GALNT14: variants seen among roughly 807,000 people sequenced by gnomAD.
GALNT14 encodes UDP-GalNAc:polypeptide N-acetylgalactosaminyltransferase 14.
Under a neutral mutation model 77.5 loss-of-function variants are expected in GALNT14, and 60 were observed. The ratio of observed to expected loss-of-function variants is 0.77; its 90% CI spans 0.63 to 0.96. GALNT14 has a LOEUF of 0.96. Among genes scored for constraint, GALNT14 ranks in the 40% least tolerant of loss-of-function variants. The pLI, the probability that GALNT14 is intolerant of heterozygous loss-of-function variation, is 0.00. For synonymous variants in GALNT14, 280 were observed against 281.7 expected (o/e 0.99, Z 0.06); for missense variants, 710 against 731.0 (o/e 0.97, Z 0.33).
At chr2:31,119,078 G>T (rs1282008972) in intron 1 of GALNT14, among the ~76,000 whole-genome samples, 4 of 151,894 alleles carry the variant, frequency 2.6e-5, no homozygotes, top group Admixed American at 1.3e-4. Context: ...ATCCCAGATG[G>T]ACCTAAGATT....
chr2:30,998,207 C>T (rs1235425094), intron 1 of GALNT14, among the ~76,000 whole-genome samples: 1 of 152,190 alleles, frequency 6.6e-6, no homozygotes, highest in African/African-American at 2.4e-5. Context: ...AAAACTAAAG[C>T]TCGATGGCAC....
At chr2:31,083,810 A>G (rs767443279) in intron 1 of GALNT14, among the ~76,000 whole-genome samples, 5 of 152,132 alleles carry the variant, frequency 3.3e-5, no homozygotes, top group Non-Finnish European at 7.4e-5. Context: ...GTCCTTCCCT[A>G]TGTGTGATCT....
intron 1 of GALNT14, among the ~76,000 whole-genome samples, chr2:31,030,321 G>A (rs10865086): frequency 0.39 from 59,655 of 151,742 alleles, 11,919 homozygotes; most frequent in East Asian, 0.55. Context: ...GTCCAGGGCC[G>A]AGCACCAGGG....
At chr2:31,057,703 A>G (rs867756781) in intron 1 of GALNT14, among the ~76,000 whole-genome samples, 8 of 152,130 alleles carry the variant, frequency 5.3e-5, no homozygotes, top group South Asian at 2.1e-4. Flanking sequence ...AATGGGCCCA[A>G]TGTTGTCTGC....
chr2:30,978,581 G>A (rs1668785037), intron 2 of GALNT14, among the ~76,000 whole-genome samples: 1 of 152,190 alleles, frequency 6.6e-6, no homozygotes, highest in African/African-American at 2.4e-5. Context: ...ATAATTCTCT[G>A]TTGAGCGAGG....
intron 9 of GALNT14, among the ~76,000 whole-genome samples, chr2:30,934,969 G>A (rs1665962869): frequency 6.6e-6 from 1 of 152,138 alleles, no homozygotes; most frequent in African/African-American, 2.4e-5. Context: ...GCCTGCTGTA[G>A]CCCTGCCTCC....
chr2:31,040,593 A>G (rs1042235779), intron 1 of GALNT14, among the ~76,000 whole-genome samples: 5 of 152,208 alleles, frequency 3.3e-5, no homozygotes, highest in Non-Finnish European at 5.9e-5. Flanking sequence ...ATGGAAACAG[A>G]GGAAACACTG....
At chr2:31,133,659 A>C (rs1190782913) in intron 1 of GALNT14, among the ~76,000 whole-genome samples, 3 of 152,228 alleles carry the variant, frequency 2.0e-5, no homozygotes, top group Non-Finnish European at 4.4e-5. Flanking sequence ...AAATTTGCTG[A>C]TATTTTTAAA....
At chr2:30,892,846 G>A in the GALNT14 span, among the ~76,000 whole-genome samples, 2 of 152,166 alleles carry the variant, frequency 1.3e-5, no homozygotes, top group Non-Finnish European at 2.9e-5. Flanking sequence ...CAGTCTCCAT[G>A]AAACTGTGGC....
intron 9 of GALNT14, among the ~76,000 whole-genome samples, chr2:30,938,282 A>G (rs1330399382): frequency 1.3e-5 from 2 of 148,402 alleles, no homozygotes; most frequent in African/African-American, 5.1e-5. Flanking sequence ...TGCACCGCTT[A>G]CATACCTACA....
At chr2:31,079,485 T>TA (rs1249893016) in intron 1 of GALNT14, among the ~76,000 whole-genome samples, 1 of 152,178 alleles carries the variant, frequency 6.6e-6, no homozygotes, top group Admixed American at 6.5e-5. Context: ...TGTTTGGGGT[T>TA]AAATGAAGGC....
Position 30,953,992 on chromosome 2 carries a change from A to G in GALNT14, c.654+1626T>C, listed in dbSNP as rs146995235. ...CACTGGATTTGTAAGCTATTAGGGG[A>G]GGCAGAGGACTAACCCAGAAGAGGA... On this transcript the variant is annotated intron_variant, in intron 6 of 14. Transcript: ENST00000349752. 4.8e-3 allele frequency among the ~76,000 whole-genome samples: 726 copies of G among 152,244 alleles called. 4 individuals are homozygous for G. The highest frequency in any genetic ancestry group is 0.017 in the African/African-American group (697 of 41,544).
intron 1 of GALNT14, among the ~76,000 whole-genome samples, chr2:31,061,891 C>A (rs1674616651): frequency 6.6e-6 from 1 of 152,172 alleles, no homozygotes. Context: ...CCCTCCCATC[C>A]TCCCCCAGGT....
intron 4 of GALNT14, among the ~76,000 whole-genome samples, chr2:30,956,795 CTG>C (rs561505252): frequency 5.3e-4 from 80 of 152,246 alleles, no homozygotes; most frequent in Non-Finnish European, 8.8e-4. Context: ...GCATGAGCCT[CTG>C]TGCCCGTTCC....
chr2:31,035,600 TACACACAC>T (rs779892815), intron 1 of GALNT14, among the ~76,000 whole-genome samples: 1 of 49,582 alleles, frequency 2.0e-5, no homozygotes, highest in Non-Finnish European at 3.8e-5. Flanking sequence ...CATATACATA[TACACACAC>T]ACACACACCT....
chr2:31,088,485 C>T lies in GALNT14; in HGVS notation c.129+49473G>A, dbSNP rs542693933. On this transcript the variant is annotated intron_variant, in intron 1 of 14. Coordinates refer to ENST00000349752, the MANE Select transcript of GALNT14 (RefSeq NM_024572.4). The stretch of plus-strand genomic sequence containing the variant: ...GTGGTCCTTCCTTTCTTTGTGAGAA[C>T]ATGTCTTGGGTAGCCTCTGGATGAA... Among the ~76,000 whole-genome samples the T allele has an allele frequency of 3.3e-5, 5 of 152,152 alleles. 1 individual carries two copies. In the South Asian group the frequency reaches 1.0e-3, roughly 32 times the overall value.
chr2:30,929,351 C>T (rs1366466084), intron 11 of GALNT14, 44 bp downstream of exon 11: 3 of 1,492,902 alleles, frequency 2.0e-6, no homozygotes, highest in South Asian at 1.1e-5. Context: ...AGGAGCTGGG[C>T]TCTTTTGCAG....
chr2:30,979,240 A>AAGATATCTCAGGGAGCAAG (rs1668834369), intron 2 of GALNT14, among the ~76,000 whole-genome samples: 1 of 152,218 alleles, frequency 6.6e-6, no homozygotes, highest in Non-Finnish European at 1.5e-5. Context: ...GTTTGGCAGC[A>AAGATATCTCAGGGAGCAAG]AGATATCTCA....
chr2:30,976,789 G>A (rs2148366442), intron 2 of GALNT14, among the ~76,000 whole-genome samples: 1 of 152,278 alleles, frequency 6.6e-6, no homozygotes, highest in African/African-American at 2.4e-5. Flanking sequence ...TTTTAGCCCT[G>A]CTCAAATCAC....
Sources: allele counts gnomAD v4.1 joint callset (sites outside exome capture counted in the v4.1 genomes callset), GRCh38; gene constraint gnomAD v4.1.1; transcripts MANE v1.5; gene names NCBI Gene and HGNC (gene_info 2026-07-23, HGNC 2026-07-21).